CHSY3: variants seen among roughly 807,000 people sequenced by gnomAD.
CHSY3 encodes N-acetylgalactosaminyl-proteoglycan 3-beta-glucuronosyltransferase 3.
A neutral mutation model predicts 67.2 loss-of-function variants in CHSY3; 35 were observed. That is an observed-to-expected ratio of 0.52 (90% confidence interval 0.40 to 0.69). The LOEUF (loss-of-function observed/expected upper bound fraction) is 0.69, where lower values mean the gene tolerates loss of function less well. CHSY3 is among the 30% of genes least tolerant of loss of function. CHSY3 has a pLI of 0.00. For synonymous variants in CHSY3, 474 were observed against 434.7 expected (o/e 1.09, Z -1.12); for missense variants, 1,069 against 1,138.5 (o/e 0.94, Z 0.88).
Position 129,959,920 on chromosome 5 carries a change from T to C in CHSY3, c.1086+51560T>C, listed in dbSNP as rs548016878. 2.4e-4 allele frequency among the ~76,000 whole-genome samples: 36 copies of C among 152,240 alleles called. No individual in the cohort carries two copies. The South Asian group carries it at 4.3e-3, about 18-fold the overall frequency. Reference sequence around the variant, plus strand: ...CTTGATTATTGCATTGCCATGAAGTTAAGTGGTGTTGAGTGTTTAAGCATA... The same window carrying C: ...CTTGATTATTGCATTGCCATGAAGTCAAGTGGTGTTGAGTGTTTAAGCATA... On this transcript the variant is annotated intron_variant, in intron 2 of 2. Transcript: ENST00000305031.
intron 2 of CHSY3, among the ~76,000 whole-genome samples, chr5:129,928,919 C>T (rs956927221): frequency 6.6e-5 from 10 of 152,262 alleles, no homozygotes; most frequent in South Asian, 6.2e-4. Context: ...AATTTAATAA[C>T]TTGCCCAAGA....
At chr5:129,949,937 G>T (rs1419526697) in intron 2 of CHSY3, among the ~76,000 whole-genome samples, 3 of 152,102 alleles carry the variant, frequency 2.0e-5, no homozygotes, top group Non-Finnish European at 4.4e-5. Context: ...GCTGAGGGGG[G>T]TGGATCACCT....
chr5:129,971,216 G>A (rs1389701356), intron 2 of CHSY3, among the ~76,000 whole-genome samples: 1 of 151,528 alleles, frequency 6.6e-6, no homozygotes, highest in Non-Finnish European at 1.5e-5. Flanking sequence ...AATAATGTAG[G>A]GAGTGTACAT....
intron 2 of CHSY3, among the ~76,000 whole-genome samples, chr5:130,086,749 C>T (rs1766646275): frequency 6.6e-6 from 1 of 151,932 alleles, no homozygotes; most frequent in African/African-American, 2.4e-5. Context: ...AAAAAGAGTC[C>T]AGGACCACAT....
rs559661054 is a variant in CHSY3, at chr5:130,081,487, G to A, written c.1087-102742G>A. Among the ~76,000 whole-genome samples the A allele has an allele frequency of 2.0e-5, 3 of 152,078 alleles. No homozygotes were observed. In the South Asian group the frequency reaches 6.2e-4, roughly 32 times the overall value. ...ATAGTGTGATGATTAAATTAGATAG[G>A]TTGTGTAATATCTCAAACCAGTACC... On this transcript the variant is annotated intron_variant, in intron 2 of 2. Coordinates refer to ENST00000305031, the MANE Select transcript of CHSY3 (RefSeq NM_175856.5).
intron 2 of CHSY3, among the ~76,000 whole-genome samples, chr5:130,119,061 A>G (rs964342669): frequency 3.9e-5 from 6 of 152,074 alleles, no homozygotes; most frequent in Non-Finnish European, 7.4e-5. Flanking sequence ...ATAAACAAAC[A>G]CTATCCTAGG....
In CHSY3 at chr5:129,938,182, G is replaced by A. The variant is rs114564682; in HGVS notation, c.1086+29822G>A. Reference sequence around the variant, plus strand: ...CCAAGCTGTACGTTGGTCCCTTTTAGCCATGGCTAGAGCTGGAGCAGCCAC... The same window carrying A: ...CCAAGCTGTACGTTGGTCCCTTTTAACCATGGCTAGAGCTGGAGCAGCCAC... On this transcript the variant is annotated intron_variant, in intron 2 of 2. Coordinates refer to ENST00000305031, the MANE Select transcript of CHSY3 (RefSeq NM_175856.5). 9.4e-3 allele frequency among the ~76,000 whole-genome samples: 1,436 copies of A among 152,296 alleles called. 24 individuals carry two copies. The highest frequency in any genetic ancestry group is 0.033 in the African/African-American group (1,373 of 41,572).
In CHSY3 at chr5:129,905,089, C is replaced by T. The variant is rs1383946623; in HGVS notation, c.260C>T (p.Pro87Leu). 1.9e-6 allele frequency: 3 copies of T among 1,542,746 alleles called. No individual in the cohort carries two copies. Among genetic ancestry groups the T allele is most frequent in the East Asian group, 4.8e-5 (2 of 41,276 alleles). ...PPARQDLQGPPLPEAAPGITS... is the reference protein window; with the variant it reads ...PPARQDLQGPLLPEAAPGITS... ...GCGCGCCAGGATCTCCAGGGGCCAC[C>T]GCTGCCCGAGGCAGCACCCGGGATC... Residue 87 changes from proline to leucine, a missense_variant, in exon 1 of 3, where the codon CCG becomes CTG. Pro to Leu is a moderately conservative substitution (Grantham distance 98). This residue lies in a region of CHSY3 where 309 missense variants were observed against 262.5 expected (regional missense o/e 1.18). Coordinates refer to ENST00000305031, the MANE Select transcript of CHSY3 (RefSeq NM_175856.5).
At chr5:130,035,412 G>T (rs1764835389) in intron 2 of CHSY3, among the ~76,000 whole-genome samples, 1 of 152,116 alleles carries the variant, frequency 6.6e-6, no homozygotes, top group African/African-American at 2.4e-5. Context: ...ATGAGTATCT[G>T]CAGTCCAAAC....
chr5:130,109,453 T>C (rs1767522040), intron 2 of CHSY3, among the ~76,000 whole-genome samples: 1 of 151,704 alleles, frequency 6.6e-6, no homozygotes, highest in Non-Finnish European at 1.5e-5. Context: ...AACTAAAATG[T>C]TGTAAGTAAG....
intron 2 of CHSY3, among the ~76,000 whole-genome samples, chr5:130,130,888 G>A (rs186482650): frequency 6.6e-5 from 10 of 152,224 alleles, no homozygotes; most frequent in Middle Eastern, 3.4e-3. Context: ...CCCTATGTCA[G>A]TCTCACAGAC....
At chr5:130,145,325 T>G (rs947018567) in intron 2 of CHSY3, among the ~76,000 whole-genome samples, 1 of 152,078 alleles carries the variant, frequency 6.6e-6, no homozygotes, top group East Asian at 1.9e-4. Flanking sequence ...TTGACAAAGG[T>G]GCCAAGAACA....
intron 2 of CHSY3, among the ~76,000 whole-genome samples, chr5:130,096,310 T>G (rs1767043741): frequency 6.6e-6 from 1 of 152,206 alleles, no homozygotes; most frequent in Non-Finnish European, 1.5e-5. Flanking sequence ...TAGCTGAGAC[T>G]ACAGGCGCAT....
At position 130,184,515 on chromosome 5, in the gene CHSY3, G is replaced by C; in HGVS notation, c.1373G>C (p.Arg458Pro). The C allele has an allele frequency of 6.2e-7, 1 of 1,610,410 alleles. No homozygotes were observed. The highest frequency in any genetic ancestry group is 8.5e-7 in the Non-Finnish European group (1 of 1,176,700). Residue 458 changes from arginine to proline, a missense_variant, in exon 3 of 3, where the codon CGG (arginine) becomes CCG (proline). This residue lies in a region of CHSY3 where 401 missense variants were observed against 395.2 expected (regional missense o/e 1.01). Transcript: ENST00000305031. ...CCTTCTTTCAACCACTTCCAGCCTC[G>C]GGAGAGAAATGAAGTGATAGAATGG... ...VIPSFNHFQP[R>P]ERNEVIEWEF...
intron 2 of CHSY3, chr5:130,140,313 G>A (rs533661995): frequency 2.0e-6 from 1 of 496,924 alleles, no homozygotes; most frequent in African/African-American, 2.0e-5. Flanking sequence ...CCTTCATAGT[G>A]GTGAATAAGC....
intron 2 of CHSY3, chr5:130,141,155 A>G (rs1165897121): frequency 7.3e-6 from 3 of 411,618 alleles, no homozygotes; most frequent in African/African-American, 4.3e-5. Context: ...CCAGGCAGCC[A>G]TCCTATCTGG....
At chr5:130,081,957 T>C (rs1766460142) in intron 2 of CHSY3, among the ~76,000 whole-genome samples, 1 of 152,162 alleles carries the variant, frequency 6.6e-6, no homozygotes, top group African/African-American at 2.4e-5. Context: ...GAATGTTATT[T>C]TGAATTATTG....
intron 2 of CHSY3, among the ~76,000 whole-genome samples, chr5:130,112,204 A>G (rs1165884622): frequency 6.6e-6 from 1 of 152,140 alleles, no homozygotes; most frequent in African/African-American, 2.4e-5. Flanking sequence ...CATGATAAAG[A>G]TATGGATATC....
chr5:130,111,152 A>T (rs891582393), intron 2 of CHSY3, among the ~76,000 whole-genome samples: 1 of 152,102 alleles, frequency 6.6e-6, no homozygotes, highest in Non-Finnish European at 1.5e-5. Context: ...GCCCCATGGC[A>T]TGAATCCTTC....
Sources: gnomAD v4.1 joint callset for allele counts (sites outside exome capture counted in the v4.1 genomes callset) on GRCh38, gnomAD v4.1.1 for gene constraint, gnomAD v4.1.1 regional missense constraint, MANE v1.5 for transcripts, NCBI Gene and HGNC (gene_info 2026-07-23, HGNC 2026-07-21) for gene names.